Variants in DYM observed in about 807,000 individuals in gnomAD.
DYM encodes the protein dyggve-Melchior-Clausen syndrome protein.
In DYM, 78 loss-of-function variants were observed where a neutral mutation model predicts 93.1. The observed-to-expected ratio is 0.84, with a 90% CI of 0.70 to 1.01. DYM has a LOEUF of 1.01. Among genes scored for constraint, DYM ranks in the 50% least tolerant of loss-of-function variants. The probability of loss-of-function intolerance (pLI) is 0.00; values close to 1 mark genes in which losing one functional copy is unlikely to be tolerated. For missense variants in DYM, 789 were observed against 845.0 expected (o/e 0.93, Z 0.82); for synonymous variants, 321 against 319.7 (o/e 1.00, Z -0.04).
intron 5 of DYM, among the ~76,000 whole-genome samples, chr18:49,371,602 T>A (rs1487438708): frequency 2.6e-5 from 4 of 152,078 alleles, no homozygotes; most frequent in Non-Finnish European, 5.9e-5. Context: ...AGACGCCAAA[T>A]GTGAAATAAA....
In DYM at chr18:49,380,994, ACTT is replaced by A. The variant is rs556828236; in HGVS notation, c.194-1239_194-1237del. On this transcript the variant is annotated intron_variant, in intron 3 of 17. Coordinates refer to ENST00000675505, the MANE Select transcript of DYM (RefSeq NM_001353214.3). Reference sequence around the variant, plus strand: ...ATCTGGGAATTTCGCATATATTTGAACTTCTTTTTTTTTTAACATAGAAACAGG... The same window carrying A: ...ATCTGGGAATTTCGCATATATTTGAACTTTTTTTTTTAACATAGAAACAGG... Among the ~76,000 whole-genome samples the A allele has an allele frequency of 3.2e-3, 478 of 149,926 alleles. 2 individuals are homozygous for A. Among genetic ancestry groups the A allele is most frequent in the Non-Finnish European group, 5.3e-3 (355 of 67,540 alleles).
chr18:49,418,411 T>G (rs1240675532), intron 2 of DYM, among the ~76,000 whole-genome samples: 1 of 152,216 alleles, frequency 6.6e-6, no homozygotes, highest in Non-Finnish European at 1.5e-5. Context: ...TTCTTCATTT[T>G]GTTTCAGATC....
intron 14 of DYM, among the ~76,000 whole-genome samples, chr18:49,176,371 A>C (rs1334085790): frequency 6.6e-6 from 1 of 152,108 alleles, no homozygotes; most frequent in African/African-American, 2.4e-5. Flanking sequence ...AAAAACATTC[A>C]TGCAAATTTC....
chr18:49,364,116 C>T (rs1338554974), intron 5 of DYM, among the ~76,000 whole-genome samples: 1 of 152,188 alleles, frequency 6.6e-6, no homozygotes, highest in African/African-American at 2.4e-5. Flanking sequence ...ATTATCTCAT[C>T]ACCACAGTGC....
intron 17 of DYM, among the ~76,000 whole-genome samples, chr18:49,080,559 C>A (rs2077836148): frequency 7.1e-6 from 1 of 140,150 alleles, no homozygotes; most frequent in Admixed American, 6.9e-5. Context: ...CGCCCCTCAC[C>A]TCCCGGACGG....
At chr18:49,383,819 C>A (rs139500281) in intron 3 of DYM, among the ~76,000 whole-genome samples, 7 of 152,232 alleles carry the variant, frequency 4.6e-5, no homozygotes, top group Non-Finnish European at 8.8e-5. Context: ...AGTAGGTGCT[C>A]CATAAATATG....
At chr18:49,101,088 G>C (rs1363267051) in intron 16 of DYM, among the ~76,000 whole-genome samples, 2 of 152,264 alleles carry the variant, frequency 1.3e-5, no homozygotes, top group Admixed American at 1.3e-4. Flanking sequence ...AGTACTTTTA[G>C]TGATGATGAC....
chr18:49,148,041 T>C (rs2085359590), intron 15 of DYM, among the ~76,000 whole-genome samples: 1 of 152,272 alleles, frequency 6.6e-6, no homozygotes, highest in South Asian at 2.1e-4. Flanking sequence ...ATGTCTTTTG[T>C]AGGGACATGG....
chr18:49,072,754 G>A (rs1381768769), intron 17 of DYM, among the ~76,000 whole-genome samples: 3 of 152,182 alleles, frequency 2.0e-5, no homozygotes. Flanking sequence ...TATCATTGCT[G>A]AGACAGACAG....
chr18:49,247,598 A>G (rs2094200053), intron 13 of DYM, among the ~76,000 whole-genome samples: 1 of 152,212 alleles, frequency 6.6e-6, no homozygotes, highest in Admixed American at 6.5e-5. Context: ...CTGTGTGGCA[A>G]TTTTGTCCAC....
Position 49,430,250 on chromosome 18 carries a change from C to T in DYM, c.140+5G>A. ...CAAATTTTCAATCTCCAGGCAATCTCTTACCTGCTAGTTGGTGCAGGGAAA... is the reference window on the plus strand; with the variant it reads ...CAAATTTTCAATCTCCAGGCAATCTTTTACCTGCTAGTTGGTGCAGGGAAA... On this transcript the variant is annotated splice_donor_5th_base_variant and intron_variant, in intron 2 of 17. Coordinates refer to ENST00000675505, the MANE Select transcript of DYM (RefSeq NM_001353214.3). 1 of 1,613,670 alleles carries T rather than the reference C, an allele frequency of 6.2e-7. No homozygotes were observed.
At chr18:49,306,193 CA>C (rs2146270907) in intron 8 of DYM, among the ~76,000 whole-genome samples, 1 of 152,290 alleles carries the variant, frequency 6.6e-6, no homozygotes, top group Admixed American at 6.5e-5. Flanking sequence ...ACAAGCCTGA[CA>C]GGTCATTTTA....
intron 17 of DYM, among the ~76,000 whole-genome samples, chr18:49,086,001 A>G (rs116213727): frequency 0.011 from 1,636 of 152,340 alleles, 28 homozygotes; most frequent in African/African-American, 0.038. Flanking sequence ...ATCAAAACTA[A>G]TAGCGGGGAT....
intron 16 of DYM, among the ~76,000 whole-genome samples, chr18:49,099,118 C>T (rs928712121): frequency 1.3e-5 from 2 of 151,964 alleles, no homozygotes; most frequent in Non-Finnish European, 1.5e-5. Context: ...AAAGTAGGAG[C>T]ATATCTGTTA....
intron 1 of DYM, among the ~76,000 whole-genome samples, chr18:49,433,363 C>A (rs138410702): frequency 5.3e-5 from 8 of 152,048 alleles, no homozygotes; most frequent in Non-Finnish European, 1.2e-4. Context: ...TCATAGTATA[C>A]GACTAAATTC....
chr18:49,212,751 C>T (rs564671725), intron 13 of DYM, among the ~76,000 whole-genome samples: 63 of 152,056 alleles, frequency 4.1e-4, no homozygotes, highest in South Asian at 8.3e-4. Context: ...TCCACCCTGG[C>T]CTTCCAAAGT....
intron 14 of DYM, among the ~76,000 whole-genome samples, chr18:49,172,839 TAAGAA>T (rs1419780621): frequency 1.3e-5 from 2 of 152,124 alleles, no homozygotes; most frequent in African/African-American, 4.8e-5. Flanking sequence ...ATGTCCTATC[TAAGAA>T]ATCTTTGCCT....
chr18:49,347,193 T>A (rs2064676427), intron 6 of DYM, among the ~76,000 whole-genome samples: 1 of 152,096 alleles, frequency 6.6e-6, no homozygotes, highest in African/African-American at 2.4e-5. Flanking sequence ...ATCCCTATAT[T>A]TGTGAAAAAT....
At chr18:49,300,601 C>CA (rs1234757700) in intron 8 of DYM, among the ~76,000 whole-genome samples, 169 of 137,704 alleles carry the variant, frequency 1.2e-3, no homozygotes, top group East Asian at 5.8e-3. Context: ...ACTCAGTCTC[C>CA]AAAAAAAAAA....
Sources: gnomAD v4.1 joint callset for allele counts (sites outside exome capture counted in the v4.1 genomes callset) on GRCh38, gnomAD v4.1.1 for gene constraint, MANE v1.5 for transcripts, NCBI Gene and HGNC (gene_info 2026-07-23, HGNC 2026-07-21) for gene names.